Variants in COBLL1 observed in about 807,000 individuals in gnomAD.
COBLL1 encodes the protein cordon-bleu protein-like 1.
A neutral mutation model predicts 94.8 loss-of-function variants in COBLL1; 50 were observed. That is an observed-to-expected ratio of 0.53 (90% CI 0.42 to 0.67). COBLL1 has a LOEUF of 0.67. Ranked by LOEUF, COBLL1 falls within the 30% of genes least tolerant of loss-of-function variation. The probability of loss-of-function intolerance (pLI) is 0.00; values close to 1 mark genes in which losing one functional copy is unlikely to be tolerated. For synonymous variants in COBLL1, 448 were observed against 473.8 expected (o/e 0.95, Z 0.71); for missense variants, 1,362 against 1,348.7 (o/e 1.01, Z -0.15).
intron 7 of COBLL1, among the ~76,000 whole-genome samples, chr2:164,719,261 G>A (rs1256994155): frequency 2.0e-5 from 3 of 151,992 alleles, no homozygotes; most frequent in Admixed American, 6.6e-5. Flanking sequence ...ACAATGATTC[G>A]GATCTTAAAT....
Position 164,722,532 on chromosome 2 carries a change from A to G in COBLL1, c.662-10T>C. 7.2e-7 allele frequency: 1 copy of G among 1,380,384 alleles called. No individual in the cohort carries two copies. Among genetic ancestry groups the G allele is most frequent in the Non-Finnish European group, 9.8e-7 (1 of 1,023,400 alleles). The allele number at this position is 1,380,384 out of a possible 1,614,324, so 85.5% of individuals were successfully genotyped here. On this transcript the variant is annotated splice_polypyrimidine_tract_variant and intron_variant, in intron 5 of 13. Coordinates refer to ENST00000652658, the MANE Select transcript of COBLL1 (RefSeq NM_001365672.2). ...GATATTTGGCAGGACTCTAAAATAG[A>G]AGAAAAGCATCTTACTTTTGTATGT...
intron 2 of COBLL1, among the ~76,000 whole-genome samples, chr2:164,806,218 G>A (rs1684148654): frequency 6.6e-6 from 1 of 151,760 alleles, no homozygotes; most frequent in Non-Finnish European, 1.5e-5. Flanking sequence ...TTCTATAACA[G>A]TGACTTCCCA....
intron 2 of COBLL1, among the ~76,000 whole-genome samples, chr2:164,803,587 A>T (rs890640400): frequency 8.5e-6 from 1 of 117,312 alleles, no homozygotes; most frequent in East Asian, 2.0e-4. Flanking sequence ...ATAAATAAAT[A>T]AAATAAAATA....
chr2:164,833,081 C>T (rs1683150781), intron 2 of COBLL1, among the ~76,000 whole-genome samples: 1 of 151,664 alleles, frequency 6.6e-6, no homozygotes. Flanking sequence ...ACTACAAACC[C>T]GGCACGGTGG....
intron 2 of COBLL1, among the ~76,000 whole-genome samples, chr2:164,756,343 T>C (rs572337068): frequency 1.3e-5 from 2 of 152,298 alleles, no homozygotes; most frequent in Non-Finnish European, 2.9e-5. Context: ...AGTAACATAA[T>C]TCTCTCTCTC....
chr2:164,690,687 G>T (rs941172551), intron 13 of COBLL1, among the ~76,000 whole-genome samples: 1 of 152,148 alleles, frequency 6.6e-6, no homozygotes, highest in African/African-American at 2.4e-5. Flanking sequence ...CCATGGGCCT[G>T]ATATACCACT....
chr2:164,743,774 T>C lies in COBLL1; in HGVS notation c.143A>G (p.Glu48Gly), dbSNP rs199706631. ...DSVESTAFIM[E>G]QKENMIDKDV... ...TTTATCTATCATGTTTTCTTTCTGT[T>C]CCATGATGAAAGCAGTGGATTCTAC... Residue 48 changes from glutamate (E) to glycine (G), a missense_variant, in exon 3 of 14, where the codon GAA becomes GGA. By Grantham distance (98) the Glu-to-Gly change is moderately conservative. Coordinates refer to ENST00000652658, the MANE Select transcript of COBLL1 (RefSeq NM_001365672.2). 3.5e-5 allele frequency: 56 copies of C among 1,613,220 alleles called. No individual in the cohort carries two copies. Among genetic ancestry groups the C allele is most frequent in the Non-Finnish European group, 4.4e-5 (52 of 1,179,510 alleles).
Position 164,801,982 on chromosome 2 carries a change from A to G in COBLL1, c.41+39174T>C, listed in dbSNP as rs116743542. The stretch of plus-strand genomic sequence containing the variant: ...ATTCAAAAGGAGAAAAAGAAAATGT[A>G]TTTTCTGATTCTTTGTAGCTGCATT... On this transcript the variant is annotated intron_variant, in intron 2 of 13. Transcript: ENST00000652658. 2.4e-3 allele frequency among the ~76,000 whole-genome samples: 358 copies of G among 152,274 alleles called. 1 individual carries two copies. The highest frequency in any genetic ancestry group is 8.2e-3 in the African/African-American group (340 of 41,552).
At chr2:164,773,623 G>A in intron 2 of COBLL1, 2 of 484,124 alleles carry the variant, frequency 4.1e-6, no homozygotes, top group South Asian at 2.3e-5. Flanking sequence ...ATCATAGTTT[G>A]AGAGAAAATA....
chr2:164,734,490 CAA>C (rs1394832872), intron 3 of COBLL1, among the ~76,000 whole-genome samples: 1 of 152,116 alleles, frequency 6.6e-6, no homozygotes, highest in East Asian at 1.9e-4. Context: ...AGAAAGCCTC[CAA>C]AGAGTTCTGA....
intron 2 of COBLL1, among the ~76,000 whole-genome samples, chr2:164,801,266 CG>C (rs1307183363): frequency 1.3e-5 from 2 of 150,820 alleles, no homozygotes; most frequent in African/African-American, 4.9e-5. Context: ...GGTGAAACCC[CG>C]TCTCTACTAA....
At chr2:164,766,082 G>A (rs1461487644) in intron 2 of COBLL1, among the ~76,000 whole-genome samples, 4 of 152,146 alleles carry the variant, frequency 2.6e-5, no homozygotes, top group Admixed American at 6.5e-5. Flanking sequence ...TTCCACTGAA[G>A]CAGCTCTTGA....
intron 2 of COBLL1, among the ~76,000 whole-genome samples, chr2:164,768,395 A>G (rs1558996288): frequency 6.6e-6 from 1 of 150,750 alleles, no homozygotes; most frequent in Non-Finnish European, 1.5e-5. Flanking sequence ...AAATTCGTAA[A>G]CTTTCTTAAA....
intron 7 of COBLL1, among the ~76,000 whole-genome samples, chr2:164,714,167 A>T (rs1396927354): frequency 6.6e-6 from 1 of 151,676 alleles, no homozygotes; most frequent in Non-Finnish European, 1.5e-5. Flanking sequence ...ACACACACAC[A>T]CACACACACA....
chr2:164,777,205 T>C (rs1484985734), intron 2 of COBLL1, among the ~76,000 whole-genome samples: 1 of 152,012 alleles, frequency 6.6e-6, no homozygotes. Flanking sequence ...TTTTTCAAAA[T>C]CTCTTTTCAG....
At chr2:164,675,689 T>C (rs907175702), downstream of COBLL1, among the ~76,000 whole-genome samples, 2 of 152,210 alleles carry the variant, frequency 1.3e-5, no homozygotes, top group African/African-American at 2.4e-5. Context: ...ATGTCTTATC[T>C]TAAATTTAGA....
intron 1 of COBLL1, among the ~76,000 whole-genome samples, chr2:164,666,294 T>C (rs1691157723): frequency 6.6e-6 from 1 of 152,144 alleles, no homozygotes; most frequent in African/African-American, 2.4e-5. Flanking sequence ...GGACACACTA[T>C]ACTATAGTCT....
chr2:164,681,573 T>C lies in COBLL1; in HGVS notation c.*4373A>G, dbSNP rs1411819412. On this transcript the variant is annotated 3_prime_UTR_variant, in exon 14 of 14. Coordinates refer to ENST00000652658, the MANE Select transcript of COBLL1 (RefSeq NM_001365672.2). ...CAAGAGAGGGAAAGAACTGAGGCCA[T>C]CACTGCTATCACAGCAAAAGGTATG... The C allele has an allele frequency of 2.0e-5, 3 of 152,202 alleles. No individual in the cohort carries two copies. Among genetic ancestry groups the C allele is most frequent in the Non-Finnish European group, 4.4e-5 (3 of 68,070 alleles). The allele number at this position is 152,202 out of a possible 1,614,324, so 9.4% of individuals were successfully genotyped here. A position where few individuals can be genotyped will look rare whatever the true frequency, so the allele number is the denominator to read the frequency against.
intron 3 of COBLL1, among the ~76,000 whole-genome samples, chr2:164,731,917 T>A (rs764719574): frequency 7.2e-5 from 11 of 152,132 alleles, no homozygotes; most frequent in Admixed American, 2.0e-4. Context: ...ACAAGGAGTC[T>A]CCTGCAGAGG....
Sources: gnomAD v4.1 joint callset for allele counts (sites outside exome capture counted in the v4.1 genomes callset) on GRCh38, gnomAD v4.1.1 for gene constraint, MANE v1.5 for transcripts, NCBI Gene and HGNC (gene_info 2026-07-23, HGNC 2026-07-21) for gene names.